Variants in COL5A1 observed in about 807,000 individuals in gnomAD.
COL5A1 encodes the protein collagen alpha-1(V) chain.
COL5A1 carries 16 observed loss-of-function variants against 263.7 expected under a neutral mutation model. The observed-to-expected ratio is 0.06, with a 90% confidence interval of 0.04 to 0.09. The LOEUF is 0.09. Ranked by LOEUF, COL5A1 falls within the 10% of genes least tolerant of loss-of-function variation. COL5A1 has a pLI of 1.00. For synonymous variants in COL5A1, 1,012 were observed against 1,004.5 expected, an observed-to-expected ratio of 1.01 and a Z score of -0.14; for missense variants, 2,036 against 2,540.5, an observed-to-expected ratio of 0.80 and a Z score of 4.27.
chr9:134,717,191 G>A (rs779360826), intron 4 of COL5A1, among the ~76,000 whole-genome samples: 3 of 152,194 alleles, frequency 2.0e-5, no homozygotes, highest in East Asian at 1.9e-4. Context: ...GAAGTGCCTC[G>A]TGGAGAAGGG....
In COL5A1 at chr9:134,815,308, G is replaced by A. The variant is rs549581854; in HGVS notation, c.4015-268G>A. 1.4e-4 allele frequency among the ~76,000 whole-genome samples: 21 copies of A among 152,364 alleles called. No homozygotes were observed. In the East Asian group the frequency reaches 4.1e-3, roughly 29 times the overall value. On this transcript the variant is annotated intron_variant, in intron 50 of 65. Coordinates refer to ENST00000371817, the MANE Select transcript of COL5A1 (RefSeq NM_000093.5). ...GGAGCTCCCAGGAATAGACCTGTGG[G>A]CGGAACGCCTGCCCCTTGCTTGGCT...
rs566483825 is a variant in COL5A1, at chr9:134,748,296, C to T, written c.1495-2246C>T. Among the ~76,000 whole-genome samples, 16 of 151,950 alleles carry T rather than the reference C, an allele frequency of 1.1e-4. No homozygotes were observed. In the South Asian group the frequency reaches 3.3e-3, roughly 32 times the overall value. On this transcript the variant is annotated intron_variant, in intron 11 of 65. Transcript: ENST00000371817. ...GCCTTTACACATATATGCACATGCACACACACATGCATTGATAGTCACATA... is the reference window on the plus strand; with the variant it reads ...GCCTTTACACATATATGCACATGCATACACACATGCATTGATAGTCACATA...
chr9:134,760,004 TCATA>T, intron 18 of COL5A1, among the ~76,000 whole-genome samples: 1 of 45,502 alleles, frequency 2.2e-5, no homozygotes, highest in African/African-American at 1.2e-4. Context: ...CACCCCACAC[TCATA>T]CACACATGCA....
At position 134,829,998 on chromosome 9, in the gene COL5A1, A is replaced by G; in HGVS notation, c.5090A>G (p.Lys1697Arg). 1 of 1,613,844 alleles carries G rather than the reference A, an allele frequency of 6.2e-7. No homozygotes were observed. Among genetic ancestry groups the G allele is most frequent in the Non-Finnish European group, 8.5e-7 (1 of 1,179,950 alleles). The change falls in exon 64 of 66, where the codon AAA (lysine) becomes AGA (arginine). Residue 1697 changes from lysine (K) to arginine (R), a missense_variant. This residue lies in a region of COL5A1 where 358 missense variants were observed against 384.6 expected (regional missense o/e 0.93). Transcript: ENST00000371817. ...TAGGCCAGAATCACTTCTTGGCCCA[A>G]AGAAAACCCGGGCTCCTGGTTCAGT... is the stretch of plus-strand genomic sequence containing the variant. Reference protein sequence around the residue: ...SEGARITSWPKENPGSWFSEF... With the variant: ...SEGARITSWPRENPGSWFSEF...
intron 60 of COL5A1, 133 bp from the exon 61 acceptor site, chr9:134,823,283 T>C: frequency 9.3e-7 from 1 of 1,076,884 alleles, no homozygotes; most frequent in Non-Finnish European, 1.4e-6. Context: ...GTCTCTGCCA[T>C]TCTCTTCTCT....
chr9:134,713,410 TC>T (rs1303000487), intron 4 of COL5A1, among the ~76,000 whole-genome samples: 5 of 152,214 alleles, frequency 3.3e-5, no homozygotes, highest in Non-Finnish European at 5.9e-5. Context: ...GTGAGGGTCT[TC>T]CTGACGATGG....
At chr9:134,829,205 C>T (rs1839465489) in intron 63 of COL5A1, among the ~76,000 whole-genome samples, 2 of 152,238 alleles carry the variant, frequency 1.3e-5, no homozygotes, top group South Asian at 4.1e-4. Flanking sequence ...TGGGGCCTAA[C>T]ATGCAAAACG....
chr9:134,757,433 G>A lies in COL5A1; in HGVS notation c.1881+615G>A, dbSNP rs980747032. 2.6e-5 allele frequency among the ~76,000 whole-genome samples: 4 copies of A among 152,162 alleles called. No individual in the cohort carries two copies. Among genetic ancestry groups the A allele is most frequent in the Admixed American group, 6.5e-5 (1 of 15,292 alleles). ...GGGGCAGGGGAGATACTGACCTTCC[G>A]TGAAGAGTGCACCTGGGGACAGCAG... On this transcript the variant is annotated intron_variant, in intron 17 of 65. Transcript: ENST00000371817. This position sits in a 1 kb window ranked among gnomAD's most constrained non-coding sequence, Gnocchi z 6.2.
intron 11 of COL5A1, among the ~76,000 whole-genome samples, chr9:134,743,625 A>C (rs1351975419): frequency 6.6e-6 from 1 of 152,172 alleles, no homozygotes; most frequent in Non-Finnish European, 1.5e-5. Context: ...CGCTCCCTGC[A>C]CAGTGGGATG....
At chr9:134,748,849 T>C (rs1835673889) in intron 11 of COL5A1, among the ~76,000 whole-genome samples, 1 of 152,228 alleles carries the variant, frequency 6.6e-6, no homozygotes, top group Non-Finnish European at 1.5e-5. Context: ...AGGAGTCCAT[T>C]GTGCCTGGGA....
chr9:134,712,400 G>A (rs1344785389), intron 4 of COL5A1, among the ~76,000 whole-genome samples: 3 of 98,222 alleles, frequency 3.1e-5, no homozygotes, highest in African/African-American at 1.3e-4. Context: ...CGTTATCCCT[G>A]TCCCTGTTCC....
chr9:134,818,700 C>G lies in COL5A1; in HGVS notation c.4275C>G (p.Ile1425Met), dbSNP rs767372665. The change falls in exon 55 of 66, where the codon ATC becomes ATG. Residue 1425 changes from isoleucine to methionine, a missense_variant. Transcript: ENST00000371817. This position sits in a 1 kb window ranked among gnomAD's most constrained non-coding sequence, Gnocchi z 6.0. ...LEGPPGKTGP[I>M]GPQGAPGKPG... Reference sequence around the variant, plus strand: ...GCCCTCCTGGGAAGACTGGCCCCATCGGCCCCCAGGGGGCCCCTGGGAAGC... The same window carrying G: ...GCCCTCCTGGGAAGACTGGCCCCATGGGCCCCCAGGGGGCCCCTGGGAAGC... The G allele has an allele frequency of 6.2e-7, 1 of 1,610,174 alleles. No homozygotes were observed.
At chr9:134,784,552 C>G (rs563287301) in intron 29 of COL5A1, among the ~76,000 whole-genome samples, 1 of 152,336 alleles carries the variant, frequency 6.6e-6, no homozygotes, top group African/African-American at 2.4e-5. Flanking sequence ...CTGCCCCATC[C>G]GGGGCTGGGG....
At chr9:134,770,597 A>G (rs115684385) in intron 25 of COL5A1, among the ~76,000 whole-genome samples, 13 of 152,374 alleles carry the variant, frequency 8.5e-5, no homozygotes, top group African/African-American at 2.9e-4. Flanking sequence ...AGATGATTCT[A>G]TCATACAATT....
intron 64 of COL5A1, among the ~76,000 whole-genome samples, chr9:134,834,191 C>T (rs1056349278): frequency 1.2e-4 from 18 of 152,190 alleles, no homozygotes; most frequent in Non-Finnish European, 2.2e-4. Flanking sequence ...TGGCCCTGCA[C>T]CCCTCTACTC....
chr9:134,654,420 G>A (rs1564367694), intron 1 of COL5A1, among the ~76,000 whole-genome samples: 4 of 101,456 alleles, frequency 3.9e-5, no homozygotes, highest in Non-Finnish European at 4.2e-5. Context: ...TGTAGGGCTG[G>A]AGGTGTGTAG....
At chr9:134,644,632 C>T (rs1013760106) in intron 1 of COL5A1, among the ~76,000 whole-genome samples, 32 of 152,082 alleles carry the variant, frequency 2.1e-4, no homozygotes, top group Non-Finnish European at 4.1e-4. Flanking sequence ...TCTCCATCTT[C>T]GGATCTGCCA....
chr9:134,746,386 G>A (rs1302817930), intron 11 of COL5A1, among the ~76,000 whole-genome samples: 1 of 152,212 alleles, frequency 6.6e-6, no homozygotes, highest in Non-Finnish European at 1.5e-5. Context: ...ACCATGAAGA[G>A]AAAAGGCTCA....
intron 43 of COL5A1, 107 bp from the exon 44 acceptor site, chr9:134,810,148 T>A: frequency 8.0e-7 from 1 of 1,257,120 alleles, no homozygotes; most frequent in Non-Finnish European, 1.2e-6. Context: ...TAGGGCCACC[T>A]GGAAAGGACA....
Sources: gnomAD v4.1 joint callset for allele counts (sites outside exome capture counted in the v4.1 genomes callset) on GRCh38, gnomAD v4.1.1 for gene constraint, gnomAD v4.1.1 regional missense constraint, Gnocchi (gnomAD v3.1) non-coding constraint, MANE v1.5 for transcripts, NCBI Gene and HGNC (gene_info 2026-07-23, HGNC 2026-07-21) for gene names.